The following AMOTL1 variants were observed in gnomAD, a reference collection of about 807,000 sequenced individuals.
AMOTL1 encodes the protein angiomotin-like protein 1.
In AMOTL1, 45 loss-of-function variants were observed where a neutral mutation model predicts 102.9. That is an observed-to-expected ratio of 0.44 (90% CI 0.34 to 0.56). AMOTL1 has a LOEUF of 0.56. AMOTL1 is among the 20% of genes least tolerant of loss of function. The pLI is 0.01. For synonymous variants in AMOTL1, 481 were observed against 484.7 expected (o/e 0.99, Z 0.10); for missense variants, 1,114 against 1,225.6 (o/e 0.91, Z 1.36).
At chr11:94,735,896 A>G (rs1211610218) in intron 2 of AMOTL1, among the ~76,000 whole-genome samples, 1 of 152,216 alleles carries the variant, frequency 6.6e-6, no homozygotes, top group Admixed American at 6.5e-5. Flanking sequence ...TTACAATAAT[A>G]TAAGGAAAGA....
chr11:94,787,272 T>C (rs916418504), intron 1 of AMOTL1, among the ~76,000 whole-genome samples: 5 of 152,074 alleles, frequency 3.3e-5, no homozygotes, highest in African/African-American at 1.2e-4. Flanking sequence ...TTCATAGATT[T>C]GTAAGGGTAG....
At chr11:94,832,794 T>C (rs374987762) in intron 6 of AMOTL1, among the ~76,000 whole-genome samples, 4 of 152,228 alleles carry the variant, frequency 2.6e-5, no homozygotes, top group African/African-American at 9.6e-5. Flanking sequence ...TGCCTAGGTA[T>C]AGTTAGTGTC....
rs769969609 is a variant in AMOTL1, at chr11:94,800,015, C to T, written c.825C>T (p.Ala275=). 1.3e-5 allele frequency: 21 copies of T among 1,613,928 alleles called. No individual in the cohort carries two copies. The highest frequency in any genetic ancestry group is 1.7e-5 in the Non-Finnish European group (20 of 1,179,900). ...IMQLSLERNG[A]KQHLPGSGNG... is the part of the protein sequence containing the mutation. ...AGCTGTCCCTGGAGAGGAATGGGGC[C>T]AAGCAACACCTTCCCGGCTCGGGGA... The change falls in exon 3 of 13, where the codon GCC becomes GCT. Residue 275 remains alanine, a synonymous_variant. Coordinates refer to ENST00000433060, the MANE Select transcript of AMOTL1 (RefSeq NM_130847.3).
At chr11:94,757,662 T>C (rs1237177573) in intron 3 of AMOTL1, among the ~76,000 whole-genome samples, 2 of 152,182 alleles carry the variant, frequency 1.3e-5, no homozygotes, top group African/African-American at 2.4e-5. Flanking sequence ...ACTGTCTAGA[T>C]TCATCACTAA....
At position 94,768,394 on chromosome 11, in the gene AMOTL1, G is replaced by C. The variant is rs1950885597; in HGVS notation, c.-118G>C. 1 of 1,513,646 alleles carries C rather than the reference G, an allele frequency of 6.6e-7. No individual in the cohort carries two copies. Among genetic ancestry groups the C allele is most frequent in the Non-Finnish European group, 8.8e-7 (1 of 1,131,460 alleles). 93.8% of individuals were successfully genotyped at this position (1,513,646 alleles called of 1,614,324 possible). ...CTCTAGGACCCAGCAGCGGTTGTCGGGTTTGGGGCTGGAGGTGAAGCCCTG... is the reference window on the plus strand; with the variant it reads ...CTCTAGGACCCAGCAGCGGTTGTCGCGTTTGGGGCTGGAGGTGAAGCCCTG... On this transcript the variant is annotated 5_prime_UTR_variant, in exon 1 of 13. Transcript: ENST00000433060.
rs201687822 is a variant in AMOTL1 at position 94,794,995 on chromosome 11, G to A, written c.50-16G>A. On this transcript the variant is annotated splice_polypyrimidine_tract_variant and intron_variant, in intron 1 of 12. Transcript: ENST00000433060. ...CTTGATGGGCACTCATATTCACTTCGCTTTCTTTCCCCCAGGGTCCCCTTC... is the reference window on the plus strand; with the variant it reads ...CTTGATGGGCACTCATATTCACTTCACTTTCTTTCCCCCAGGGTCCCCTTC... The A allele has an allele frequency of 5.6e-6, 9 of 1,598,226 alleles. No individual in the cohort carries two copies. The South Asian group carries it at 5.7e-5, about 10-fold the overall frequency.
At chr11:94,708,077 C>T (rs995266567) in intron 1 of AMOTL1, among the ~76,000 whole-genome samples, 1 of 152,160 alleles carries the variant, frequency 6.6e-6, no homozygotes, top group Non-Finnish European at 1.5e-5. Flanking sequence ...TGGTTTACAT[C>T]TCTCTACCCC....
intron 6 of AMOTL1, among the ~76,000 whole-genome samples, chr11:94,832,672 C>T (rs758031194): frequency 6.6e-6 from 1 of 152,170 alleles, no homozygotes; most frequent in African/African-American, 2.4e-5. Context: ...CAAAATTTAT[C>T]TTATATCTCT....
chr11:94,805,295 T>C (rs1951549732), intron 3 of AMOTL1, among the ~76,000 whole-genome samples: 1 of 152,248 alleles, frequency 6.6e-6, no homozygotes, highest in African/African-American at 2.4e-5. Context: ...GGAAGAAAGC[T>C]GTCTGGATAC....
chr11:94,800,334 T>C (rs1414091856), intron 3 of AMOTL1, 23 bp downstream of exon 3: 1 of 1,544,086 alleles, frequency 6.5e-7, no homozygotes, highest in African/African-American at 1.4e-5. Context: ...TGCAGACGTT[T>C]CGTGCGGCTT....
At chr11:94,813,573 C>A (rs1007648371) in intron 3 of AMOTL1, among the ~76,000 whole-genome samples, 1 of 152,238 alleles carries the variant, frequency 6.6e-6, no homozygotes, top group Non-Finnish European at 1.5e-5. Context: ...TCCCCTCTCT[C>A]GCTACACACC....
At chr11:94,730,314 A>G (rs903633082) in intron 2 of AMOTL1, among the ~76,000 whole-genome samples, 1 of 151,980 alleles carries the variant, frequency 6.6e-6, no homozygotes, top group African/African-American at 2.4e-5. Context: ...CTGCCCTCAC[A>G]TGCCTGTGAA....
chr11:94,836,972 A>G (rs1952196246), intron 6 of AMOTL1, among the ~76,000 whole-genome samples: 2 of 151,750 alleles, frequency 1.3e-5, no homozygotes, highest in Admixed American at 6.5e-5. Context: ...GCTCACACCA[A>G]CCAATCCATA....
chr11:94,750,721 T>C (rs1479185126), intron 3 of AMOTL1, among the ~76,000 whole-genome samples: 2 of 152,158 alleles, frequency 1.3e-5, no homozygotes, highest in Non-Finnish European at 2.9e-5. Flanking sequence ...TTTCTCAGGA[T>C]GATTGACAGT....
intron 1 of AMOTL1, among the ~76,000 whole-genome samples, chr11:94,782,557 A>T (rs1253398270): frequency 2.0e-5 from 3 of 152,240 alleles, no homozygotes; most frequent in Non-Finnish European, 4.4e-5. Flanking sequence ...AAAGTGAAAG[A>T]CAGGCCAATA....
intron 3 of AMOTL1, among the ~76,000 whole-genome samples, chr11:94,819,975 GCTAATA>G (rs1951835244): frequency 6.6e-6 from 1 of 152,176 alleles, no homozygotes; most frequent in Non-Finnish European, 1.5e-5. Context: ...AAAGATAGGA[GCTAATA>G]CTAGGTATTT....
At chr11:94,852,220 A>AATCAATCC (rs1952554540) in intron 7 of AMOTL1, among the ~76,000 whole-genome samples, 1 of 152,222 alleles carries the variant, frequency 6.6e-6, no homozygotes, top group Non-Finnish European at 1.5e-5. Context: ...GCCAGATGAA[A>AATCAATCC]ATCAATCCCA....
intron 3 of AMOTL1, among the ~76,000 whole-genome samples, chr11:94,810,877 C>G (rs1321606052): frequency 6.6e-6 from 1 of 151,416 alleles, no homozygotes; most frequent in Non-Finnish European, 1.5e-5. Flanking sequence ...CACGCGTACA[C>G]ACACATATCT....
At chr11:94,781,619 G>A (rs889120673) in intron 1 of AMOTL1, among the ~76,000 whole-genome samples, 3 of 152,030 alleles carry the variant, frequency 2.0e-5, no homozygotes, top group East Asian at 3.9e-4. Flanking sequence ...GGTGGATCAC[G>A]AGGTCAGGAG....
Sources: allele counts gnomAD v4.1 joint callset (sites outside exome capture counted in the v4.1 genomes callset), GRCh38; gene constraint gnomAD v4.1.1; transcripts MANE v1.5; gene names NCBI Gene and HGNC (gene_info 2026-07-23, HGNC 2026-07-21).